Variants in SGCZ observed in about 807,000 individuals in gnomAD.
SGCZ encodes sarcoglycan zeta, also known as zeta-sarcoglycan.
SGCZ carries 40 observed loss-of-function variants against 41.3 expected under a neutral mutation model. The ratio of observed to expected loss-of-function variants is 0.97; its 90% confidence interval spans 0.75 to 1.26. SGCZ has a LOEUF of 1.26. Among genes scored for constraint, SGCZ ranks in the 50% most tolerant of loss-of-function variants. The pLI, the probability that SGCZ is intolerant of heterozygous loss-of-function variation, is 0.00. For missense variants in SGCZ, 552 were observed against 369.8 expected (o/e 1.49, Z -4.04); for synonymous variants, 206 against 137.5 (o/e 1.50, Z -3.49).
intron 1 of SGCZ, among the ~76,000 whole-genome samples, chr8:15,112,334 T>C (rs976367789): frequency 1.3e-5 from 2 of 152,236 alleles, no homozygotes; most frequent in African/African-American, 2.4e-5. Flanking sequence ...GTGCAAACAA[T>C]AGTATTGAGT....
intron 2 of SGCZ, among the ~76,000 whole-genome samples, chr8:14,437,899 T>A (rs976934784): frequency 3.9e-5 from 6 of 151,992 alleles, no homozygotes; most frequent in Admixed American, 3.3e-4. Context: ...ATCACTGACC[T>A]ATTTCATAGA....
At chr8:14,250,518 A>T (rs1156698851) in intron 3 of SGCZ, among the ~76,000 whole-genome samples, 1 of 152,158 alleles carries the variant, frequency 6.6e-6, no homozygotes, top group Non-Finnish European at 1.5e-5. Context: ...CTGCACTATA[A>T]AAACCTGCAG....
intron 1 of SGCZ, among the ~76,000 whole-genome samples, chr8:15,109,459 A>G (rs1806961647): frequency 1.3e-5 from 2 of 152,186 alleles, no homozygotes; most frequent in Admixed American, 1.3e-4. Flanking sequence ...TCACAGAATC[A>G]TAAGACACAG....
chr8:14,543,942 G>A (rs752523431), intron 2 of SGCZ, among the ~76,000 whole-genome samples: 1 of 152,016 alleles, frequency 6.6e-6, no homozygotes, highest in Non-Finnish European at 1.5e-5. Context: ...GATGTGTTAT[G>A]GCCCATCACC....
chr8:14,191,536 A>C (rs1805103185), intron 4 of SGCZ, among the ~76,000 whole-genome samples: 1 of 152,108 alleles, frequency 6.6e-6, no homozygotes, highest in Non-Finnish European at 1.5e-5. Flanking sequence ...CTCTAATTTT[A>C]TTCTTTGGTA....
At chr8:14,171,315 A>G (rs2117000469) in intron 4 of SGCZ, among the ~76,000 whole-genome samples, 1 of 152,134 alleles carries the variant, frequency 6.6e-6, no homozygotes, top group East Asian at 1.9e-4. Flanking sequence ...TGTTTCAAAT[A>G]ACATCTTAAA....
chr8:14,267,756 T>C (rs557814997), intron 3 of SGCZ, among the ~76,000 whole-genome samples: 6 of 152,194 alleles, frequency 3.9e-5, no homozygotes, highest in East Asian at 3.9e-4. Flanking sequence ...TTTGGGCTCA[T>C]TGATCTAAAA....
At chr8:14,602,149 AT>A (rs1389913528) in intron 1 of SGCZ, among the ~76,000 whole-genome samples, 2 of 152,060 alleles carry the variant, frequency 1.3e-5, no homozygotes, top group Non-Finnish European at 2.9e-5. Flanking sequence ...ATAAAATAAA[AT>A]AAAAAAGTAT....
At position 14,678,168 on chromosome 8, in the gene SGCZ, A is replaced by G. The variant is rs575907121; in HGVS notation, c.40-123242T>C. Among the ~76,000 whole-genome samples the G allele has an allele frequency of 2.0e-5, 3 of 152,364 alleles. 1 individual carries two copies. In the South Asian group the frequency reaches 6.2e-4, roughly 32 times the overall value. The stretch of plus-strand genomic sequence containing the variant: ...AGATACAACAACAAAGACATAATCC[A>G]TGGAACAAAGAATTAATAAATTGGA... On this transcript the variant is annotated intron_variant, in intron 1 of 7. Coordinates refer to ENST00000382080, the MANE Select transcript of SGCZ (RefSeq NM_139167.4).
intron 4 of SGCZ, among the ~76,000 whole-genome samples, chr8:14,235,299 C>CA (rs1475417382): frequency 1.3e-5 from 2 of 152,132 alleles, no homozygotes; most frequent in African/African-American, 2.4e-5. Flanking sequence ...CATAAGTCAT[C>CA]AAAAATACAC....
intron 1 of SGCZ, among the ~76,000 whole-genome samples, chr8:14,983,971 G>A (rs1346672995): frequency 6.6e-6 from 1 of 151,970 alleles, no homozygotes; most frequent in Non-Finnish European, 1.5e-5. Context: ...TTTTAATTTA[G>A]ACTTATACCC....
At chr8:14,310,468 A>G (rs1801497632) in intron 3 of SGCZ, among the ~76,000 whole-genome samples, 1 of 152,118 alleles carries the variant, frequency 6.6e-6, no homozygotes, top group Admixed American at 6.6e-5. Flanking sequence ...TCATAATTGC[A>G]TTCCTAACTA....
Position 14,164,440 on chromosome 8 carries a change from G to A in SGCZ, c.547+140C>T. On this transcript the variant is annotated intron_variant, in intron 5 of 7. Coordinates refer to ENST00000382080, the MANE Select transcript of SGCZ (RefSeq NM_139167.4). Reference sequence around the variant, plus strand: ...CACAACCAGTGCCTTCCATTTGAAGGCTACTTGAAGAACAAACGTTGTGAT... The same window carrying A: ...CACAACCAGTGCCTTCCATTTGAAGACTACTTGAAGAACAAACGTTGTGAT... 6 of 971,742 alleles carry A rather than the reference G, an allele frequency of 6.2e-6. No individual in the cohort carries two copies. In the South Asian group the frequency reaches 9.1e-5, roughly 15 times the overall value. The allele number at this position is 971,742 out of a possible 1,614,324, so 60.2% of individuals were successfully genotyped here.
At chr8:14,981,749 G>A (rs1186037522) in intron 1 of SGCZ, among the ~76,000 whole-genome samples, 1 of 152,114 alleles carries the variant, frequency 6.6e-6, no homozygotes, top group African/African-American at 2.4e-5. Flanking sequence ...TCCGCTTATA[G>A]CCCCAAAGAA....
chr8:14,767,564 T>A (rs1800080005), intron 1 of SGCZ, among the ~76,000 whole-genome samples: 1 of 152,244 alleles, frequency 6.6e-6, no homozygotes, highest in South Asian at 2.1e-4. Context: ...CTAGTTGCAG[T>A]GAGATGAAGA....
Position 14,778,239 on chromosome 8 carries a change from G to A in SGCZ, c.40-223313C>T, listed in dbSNP as rs572628923. ...CTAAAAATCTTTATAAATTATATTA[G>A]TTAACACAGGCTTTTGGGGCCTTCA... On this transcript the variant is annotated intron_variant, in intron 1 of 7. Coordinates refer to ENST00000382080, the MANE Select transcript of SGCZ (RefSeq NM_139167.4). Among the ~76,000 whole-genome samples the A allele has an allele frequency of 4.6e-5, 7 of 152,208 alleles. No individual in the cohort carries two copies. The East Asian group carries it at 9.7e-4, about 21-fold the overall frequency.
intron 1 of SGCZ, among the ~76,000 whole-genome samples, chr8:15,187,595 T>C (rs539060346): frequency 2.3e-4 from 35 of 152,086 alleles, no homozygotes; most frequent in African/African-American, 7.7e-4. Flanking sequence ...AGACTCAAAA[T>C]CACATAAAGA....
chr8:14,587,217 A>C (rs1171866035), intron 1 of SGCZ, among the ~76,000 whole-genome samples: 1 of 152,074 alleles, frequency 6.6e-6, no homozygotes, highest in African/African-American at 2.4e-5. Context: ...AAATGATAAT[A>C]AAGTTTCAAC....
chr8:14,661,156 C>T (rs535499789), intron 1 of SGCZ, among the ~76,000 whole-genome samples: 20 of 152,078 alleles, frequency 1.3e-4, no homozygotes, highest in Admixed American at 4.6e-4. Flanking sequence ...ATAGAAGGTG[C>T]GTTTTATCAT....
Sources: gnomAD v4.1 joint callset for allele counts (sites outside exome capture counted in the v4.1 genomes callset) on GRCh38, gnomAD v4.1.1 for gene constraint, MANE v1.5 for transcripts, NCBI Gene and HGNC (gene_info 2026-07-23, HGNC 2026-07-21) for gene names.